The following TNR variants were observed in gnomAD, a reference collection of about 807,000 sequenced individuals.
The protein encoded by TNR is tenascin-R.
Under a neutral mutation model 150.4 loss-of-function variants are expected in TNR, and 45 were observed. That is an observed-to-expected ratio of 0.30 (90% CI 0.24 to 0.38). TNR has a LOEUF of 0.38. Ranked by LOEUF, TNR falls within the 10% of genes least tolerant of loss-of-function variation. The pLI is 1.00. For synonymous variants in TNR, 687 were observed against 678.4 expected, an observed-to-expected ratio of 1.01 and a Z score of -0.20; for missense variants, 1,544 against 1,759.1, an observed-to-expected ratio of 0.88 and a Z score of 2.19.
chr1:175,340,122 T>A (rs1384530788), intron 18 of TNR, among the ~76,000 whole-genome samples: 1 of 151,908 alleles, frequency 6.6e-6, no homozygotes, highest in African/African-American at 2.4e-5. Context: ...TTCTAAGGGG[T>A]GCCAAACACT....
intron 22 of TNR, 128 bp downstream of exon 22, chr1:175,324,228 C>G: frequency 9.2e-7 from 1 of 1,083,012 alleles, no homozygotes. Context: ...CATTATTTTT[C>G]TCAAGACTCA....
rs775081401 is a variant in TNR, at chr1:175,403,423, G to A, written c.693C>T (p.Ser231=). The A allele has an allele frequency of 9.9e-6, 16 of 1,614,030 alleles. No homozygotes were observed. The highest frequency in any genetic ancestry group is 8.3e-5 in the Admixed American group (5 of 60,012). Residue 231 remains serine (S), a synonymous_variant, in exon 4 of 23, where the codon TCC becomes TCT. Transcript: ENST00000367674. The stretch of plus-strand genomic sequence containing the variant: ...TGCAGTCTGTTGGGCACCGGAGTTC[G>A]GAACAGTCATCCCCGCTGTACTCGC... ...CDSEYSGDDC[S]ELRCPTDCSS...
chr1:175,331,078 C>CTTTCTTTCCTTCTCTTTCTTTCTTTCT (rs57439733), intron 20 of TNR, among the ~76,000 whole-genome samples: 2 of 59,944 alleles, frequency 3.3e-5, no homozygotes, highest in Admixed American at 1.7e-4. Context: ...TCTTTCTTTC[C>CTTTCTTTCCTTCTCTTTCTTTCTTTCT]TTCTTTCTTT....
chr1:175,714,653 CT>C (rs1039433954), intron 1 of TNR, among the ~76,000 whole-genome samples: 2 of 152,174 alleles, frequency 1.3e-5, no homozygotes, highest in African/African-American at 4.8e-5. Context: ...ACCCTCTCCA[CT>C]TTTGTTTCCA....
chr1:175,348,247 A>G (rs1177656364), intron 18 of TNR, among the ~76,000 whole-genome samples: 1 of 152,194 alleles, frequency 6.6e-6, no homozygotes, highest in Non-Finnish European at 1.5e-5. Flanking sequence ...CTCTATTAAA[A>G]AATAAGGATG....
chr1:175,657,976 G>A (rs1365688286), intron 1 of TNR, among the ~76,000 whole-genome samples: 1 of 150,478 alleles, frequency 6.6e-6, no homozygotes, highest in Non-Finnish European at 1.5e-5. Context: ...AATGGAGAGA[G>A]GACAAGCAAG....
At chr1:175,559,458 T>C (rs1661328203) in intron 1 of TNR, among the ~76,000 whole-genome samples, 1 of 152,198 alleles carries the variant, frequency 6.6e-6, no homozygotes, top group African/African-American at 2.4e-5. Context: ...ATGAAAATTG[T>C]GTTTTTCCAC....
chr1:175,661,205 A>C (rs72725489), intron 1 of TNR, among the ~76,000 whole-genome samples: 3,073 of 152,304 alleles, frequency 0.02, 47 homozygotes, highest in Non-Finnish European at 0.026. Context: ...CCCATGACCA[A>C]GTGGAGCCAC....
At chr1:175,676,350 C>G (rs574438129) in intron 1 of TNR, among the ~76,000 whole-genome samples, 2 of 152,250 alleles carry the variant, frequency 1.3e-5, no homozygotes, top group Admixed American at 6.5e-5. Flanking sequence ...CTTTCCCCAG[C>G]GTGCACCTCA....
chr1:175,558,428 G>C (rs866293951), intron 1 of TNR, among the ~76,000 whole-genome samples: 1 of 152,142 alleles, frequency 6.6e-6, no homozygotes, highest in African/African-American at 2.4e-5. Context: ...CATTAAGTCA[G>C]TACTATTATT....
chr1:175,335,211 T>A (rs1217185300), intron 20 of TNR: 1 of 152,756 alleles, frequency 6.5e-6, no homozygotes, highest in African/African-American at 2.4e-5. Flanking sequence ...CGATCTATAT[T>A]TCCTGCCGGT....
chr1:175,615,029 G>T (rs1663725720), intron 1 of TNR, among the ~76,000 whole-genome samples: 1 of 152,234 alleles, frequency 6.6e-6, no homozygotes, highest in African/African-American at 2.4e-5. Flanking sequence ...CCTGAGTGGG[G>T]CTGGTGAAAT....
intron 1 of TNR, among the ~76,000 whole-genome samples, chr1:175,678,797 A>T (rs1009375199): frequency 2.0e-5 from 3 of 152,210 alleles, no homozygotes; most frequent in Admixed American, 2.0e-4. Context: ...GGGAGGAGAG[A>T]TAGAGAATCC....
chr1:175,706,514 C>T (rs187359065), intron 1 of TNR, among the ~76,000 whole-genome samples: 1 of 152,168 alleles, frequency 6.6e-6, no homozygotes, highest in African/African-American at 2.4e-5. Context: ...CGTCCACCCA[C>T]TGGTCTCCTT....
chr1:175,638,523 A>C (rs2101879140), intron 1 of TNR, among the ~76,000 whole-genome samples: 1 of 152,336 alleles, frequency 6.6e-6, no homozygotes, highest in Admixed American at 6.5e-5. Context: ...ATCCAGCAAA[A>C]TACTGCTCTG....
intron 1 of TNR, among the ~76,000 whole-genome samples, chr1:175,625,713 C>G (rs1664130345): frequency 6.6e-6 from 1 of 152,210 alleles, no homozygotes. Flanking sequence ...TTGATTGCAA[C>G]AGCAGCATCA....
intron 2 of TNR, among the ~76,000 whole-genome samples, chr1:175,417,070 A>AGAAAGAAAGAAAGAAAGAAAGAAG (rs1557920348): frequency 2.0e-5 from 3 of 151,030 alleles, no homozygotes; most frequent in Non-Finnish European, 4.4e-5. Flanking sequence ...AAAGAAAGAA[A>AGAAAGAAAGAAAGAAAGAAAGAAG]GAAAGAAATC....
chr1:175,327,339 C>T (rs1456964461), intron 21 of TNR, among the ~76,000 whole-genome samples: 1 of 152,150 alleles, frequency 6.6e-6, no homozygotes, highest in Non-Finnish European at 1.5e-5. Context: ...TCTCTCAAAC[C>T]ACTGTTCAGA....
chr1:175,570,235 C>T (rs1446319163), intron 1 of TNR, among the ~76,000 whole-genome samples: 1 of 152,180 alleles, frequency 6.6e-6, no homozygotes, highest in African/African-American at 2.4e-5. Context: ...CCAGGATGAA[C>T]TTTACAAACC....
Sources: allele counts gnomAD v4.1 joint callset (sites outside exome capture counted in the v4.1 genomes callset), GRCh38; gene constraint gnomAD v4.1.1; transcripts MANE v1.5; gene names NCBI Gene and HGNC (gene_info 2026-07-23, HGNC 2026-07-21).